INPP5D: variants seen among roughly 807,000 people sequenced by gnomAD.
INPP5D encodes the protein phosphatidylinositol 3,4,5-trisphosphate 5-phosphatase 1.
INPP5D carries 33 observed loss-of-function variants against 122.9 expected under a neutral mutation model. The ratio of observed to expected loss-of-function variants is 0.27; its 90% CI spans 0.20 to 0.36. The LOEUF is 0.36. Among genes scored for constraint, INPP5D ranks in the 10% least tolerant of loss-of-function variants. The probability of loss-of-function intolerance (pLI) is 1.00; values close to 1 mark genes in which losing one functional copy is unlikely to be tolerated. For synonymous variants in INPP5D, 584 were observed against 576.2 expected (o/e 1.01, Z -0.19); for missense variants, 1,053 against 1,412.7 (o/e 0.75, Z 4.08).
rs369949394 is a variant in INPP5D, at chr2:233,100,451, G to A, written c.198+21053G>A. ...TAATCTCATCTAGCCTCTTGCCTGG[G>A]GTGGACGTCAAGCTCACTACACTGT... is the stretch of plus-strand genomic sequence containing the variant. On this transcript the variant is annotated intron_variant, in intron 2 of 26. Transcript: ENST00000445964. This position sits in a 1 kb window ranked among gnomAD's most constrained non-coding sequence, Gnocchi z 5.3. 7.2e-5 allele frequency among the ~76,000 whole-genome samples: 11 copies of A among 152,242 alleles called. No homozygotes were observed. In the East Asian group the frequency reaches 1.9e-3, roughly 27 times the overall value.
intron 18 of INPP5D, among the ~76,000 whole-genome samples, chr2:233,178,463 T>A (rs1450138991): frequency 3.9e-5 from 3 of 77,502 alleles, no homozygotes; most frequent in Non-Finnish European, 8.6e-5. Flanking sequence ...TATTTTATTA[T>A]TTATTTATTT....
At chr2:233,134,160 A>T (rs1375042624) in intron 5 of INPP5D, 1 of 389,894 alleles carries the variant, frequency 2.6e-6, no homozygotes, top group Non-Finnish European at 5.2e-6. Context: ...AAGGAGGAGG[A>T]GGAAGGAGAG....
intron 5 of INPP5D, among the ~76,000 whole-genome samples, chr2:233,136,659 G>T (rs1693474536): frequency 6.6e-6 from 1 of 152,124 alleles, no homozygotes; most frequent in African/African-American, 2.4e-5. Flanking sequence ...CCAACTATCT[G>T]CAAGGCACTG....
intron 3 of INPP5D, among the ~76,000 whole-genome samples, chr2:233,124,723 CCTCT>C (rs1289050280): frequency 1.3e-4 from 20 of 152,248 alleles, no homozygotes; most frequent in African/African-American, 4.6e-4. Context: ...TAGTTGGGCC[CCTCT>C]GGGCATGGCT....
At chr2:233,076,876 G>T (rs781074347) in intron 1 of INPP5D, among the ~76,000 whole-genome samples, 11 of 152,192 alleles carry the variant, frequency 7.2e-5, no homozygotes, top group Admixed American at 1.3e-4. Context: ...TTGGCAGGGT[G>T]TGGGGAAATA....
chr2:233,119,183 G>A (rs1214713754), intron 2 of INPP5D, among the ~76,000 whole-genome samples: 1 of 152,132 alleles, frequency 6.6e-6, no homozygotes, highest in Admixed American at 6.5e-5. Context: ...AATCTCACAT[G>A]CTCACTCAAA....
intron 9 of INPP5D, among the ~76,000 whole-genome samples, chr2:233,149,199 G>GAGGCC (rs1160089333): frequency 6.7e-6 from 1 of 149,648 alleles, no homozygotes; most frequent in Non-Finnish European, 1.5e-5. Flanking sequence ...CGCCTCCTGG[G>GAGGCC]TTCAAGTGAT....
chr2:233,193,789 G>T (rs1166311612), intron 22 of INPP5D, 23 bp from the exon 23 acceptor site: 10 of 1,613,668 alleles, frequency 6.2e-6, no homozygotes, highest in Non-Finnish European at 8.5e-6. Flanking sequence ...TCTTCACCCA[G>T]CTGTCTCCCA....
chr2:233,195,417 G>A lies in INPP5D; in HGVS notation c.2615G>A (p.Arg872His), dbSNP rs1298834008. The A allele has an allele frequency of 5.0e-6, 8 of 1,613,106 alleles. No homozygotes were observed. The highest frequency in any genetic ancestry group is 2.2e-5 in the East Asian group (1 of 44,864). ...CTTCCAGACTTTGTGAAGACGGAGC[G>A]TGATGAATCCAGTGGGCCAAAGACC... The part of the protein sequence containing the change: ...EKLYDFVKTE[R>H]DESSGPKTLK... Residue 872 changes from arginine to histidine, a missense_variant, in exon 24 of 27, where the codon CGT (arginine) becomes CAT (histidine). Transcript: ENST00000445964.
At chr2:233,144,981 G>A (rs1184475304) in intron 6 of INPP5D, among the ~76,000 whole-genome samples, 1 of 152,070 alleles carries the variant, frequency 6.6e-6, no homozygotes, top group Non-Finnish European at 1.5e-5. Flanking sequence ...TGAGCAAGGG[G>A]TGAGGTAAAG....
At chr2:233,126,452 G>A (rs1413836295) in intron 4 of INPP5D, among the ~76,000 whole-genome samples, 1 of 152,138 alleles carries the variant, frequency 6.6e-6, no homozygotes, top group Non-Finnish European at 1.5e-5. Context: ...ATGATACTTG[G>A]CGTGTTCCTA....
chr2:233,181,988 C>T lies in INPP5D; in HGVS notation c.2072-422C>T, dbSNP rs190831549. Among the ~76,000 whole-genome samples, 134 of 152,248 alleles carry T rather than the reference C, an allele frequency of 8.8e-4. 5 individuals carry two copies. The highest frequency in any genetic ancestry group is 2.9e-3 in the African/African-American group (122 of 41,550). ...ACACGCACCTGTACTCCCAGCTACT[C>T]GGGTGGCTGAGGCATGAGAATTGCT... On this transcript the variant is annotated intron_variant, in intron 18 of 26. Transcript: ENST00000445964.
chr2:233,097,088 C>G (rs140920991), intron 2 of INPP5D, among the ~76,000 whole-genome samples: 2 of 152,128 alleles, frequency 1.3e-5, no homozygotes, highest in East Asian at 3.8e-4. Flanking sequence ...TAGCCAACAC[C>G]GTATTAAATA....
intron 21 of INPP5D, among the ~76,000 whole-genome samples, chr2:233,186,650 T>C (rs888617768): frequency 6.9e-6 from 1 of 145,830 alleles, no homozygotes; most frequent in African/African-American, 2.5e-5. Context: ...AAAAAAAAAT[T>C]TTTTTTCTCT....
chr2:233,166,270 A>G (rs545883729), intron 13 of INPP5D, among the ~76,000 whole-genome samples: 1 of 152,284 alleles, frequency 6.6e-6, no homozygotes, highest in African/African-American at 2.4e-5. Flanking sequence ...GGGCCACATA[A>G]AACCACCCCC....
In INPP5D at chr2:233,147,455, T is replaced by C. The variant is rs143273416; in HGVS notation, c.907-16T>C. The C allele has an allele frequency of 1.4e-6, 1 of 704,010 alleles. No homozygotes were observed. The highest frequency in any genetic ancestry group is 2.0e-5 in the Admixed American group (1 of 50,020). The allele number at this position is 704,010 out of a possible 1,614,324, so 43.6% of individuals were successfully genotyped here. A position where few individuals can be genotyped will look rare whatever the true frequency, so the allele number is the denominator to read the frequency against. On this transcript the variant is annotated splice_polypyrimidine_tract_variant and intron_variant, in intron 8 of 26. Coordinates refer to ENST00000445964, the MANE Select transcript of INPP5D (RefSeq NM_001017915.3). ...AGGCAGAAAATCAATCAGTGACACATCTCTTCTCTTCTAAGGTGAAGGCAG... is the reference window on the plus strand; with the variant it reads ...AGGCAGAAAATCAATCAGTGACACACCTCTTCTCTTCTAAGGTGAAGGCAG...
chr2:233,114,617 T>A (rs1014962293), intron 2 of INPP5D, among the ~76,000 whole-genome samples: 4 of 152,166 alleles, frequency 2.6e-5, no homozygotes, highest in Admixed American at 1.3e-4. Context: ...TGTGGATGCC[T>A]GGGTCAGTGG....
chr2:233,104,058 T>C (rs566969259), intron 2 of INPP5D, among the ~76,000 whole-genome samples: 68 of 141,842 alleles, frequency 4.8e-4, no homozygotes, highest in African/African-American at 1.8e-3. Context: ...TCGCCCAGGC[T>C]GGAGTGTAGT....
chr2:233,127,983 T>A (rs12694928), intron 4 of INPP5D, among the ~76,000 whole-genome samples: 50,511 of 152,156 alleles, frequency 0.33, 10,309 homozygotes, highest in Non-Finnish European at 0.45. Flanking sequence ...CAATAGTAAT[T>A]AGACCTGTTA....
Sources: gnomAD v4.1 joint callset for allele counts (sites outside exome capture counted in the v4.1 genomes callset) on GRCh38, gnomAD v4.1.1 for gene constraint, Gnocchi (gnomAD v3.1) non-coding constraint, MANE v1.5 for transcripts, NCBI Gene and HGNC (gene_info 2026-07-23, HGNC 2026-07-21) for gene names.